The following SLC24A2 variants were observed in gnomAD, a reference collection of about 807,000 sequenced individuals.
The protein encoded by SLC24A2 is solute carrier family 24 member 2.
Under a neutral mutation model 62.0 loss-of-function variants are expected in SLC24A2, and 36 were observed. The ratio of observed to expected loss-of-function variants is 0.58; its 90% CI spans 0.44 to 0.77. The LOEUF (loss-of-function observed/expected upper bound fraction) is 0.77, where lower values mean the gene tolerates loss of function less well. Ranked by LOEUF, SLC24A2 falls within the 30% of genes least tolerant of loss-of-function variation. The pLI is 0.00. For synonymous variants in SLC24A2, 358 were observed against 294.0 expected (o/e 1.22, Z -2.23); for missense variants, 846 against 817.9 (o/e 1.03, Z -0.42).
At chr9:20,022,650 G>T in the SLC24A2 span, among the ~76,000 whole-genome samples, 60 of 152,312 alleles carry the variant, frequency 3.9e-4, 1 homozygote, top group African/African-American at 1.4e-3. Flanking sequence ...GATCTCTGCT[G>T]CTTCTCTCTC....
chr9:20,042,113 G>T, the SLC24A2 span, among the ~76,000 whole-genome samples: 1 of 152,204 alleles, frequency 6.6e-6, no homozygotes, highest in African/African-American at 2.4e-5. Flanking sequence ...TCCCTGGTGG[G>T]CAGACTGTGG....
the SLC24A2 span, among the ~76,000 whole-genome samples, chr9:20,032,269 A>T: frequency 9.9e-4 from 151 of 152,326 alleles, no homozygotes; most frequent in Non-Finnish European, 2.0e-3. Context: ...CAATGATTGC[A>T]CGTCTTTTCA....
At chr9:20,234,474 A>G in the SLC24A2 span, among the ~76,000 whole-genome samples, 2 of 151,868 alleles carry the variant, frequency 1.3e-5, no homozygotes, top group Admixed American at 1.3e-4. Context: ...CATTTCATTC[A>G]TTTCGTCTTC....
At chr9:19,844,634 G>T in the SLC24A2 span, among the ~76,000 whole-genome samples, 5 of 151,884 alleles carry the variant, frequency 3.3e-5, no homozygotes, top group African/African-American at 1.2e-4. Context: ...TTTCTTCTGG[G>T]ATTCTTATAT....
chr9:19,829,804 TATATATACAC>T, the SLC24A2 span, among the ~76,000 whole-genome samples: 6,696 of 43,054 alleles, frequency 0.16, 227 homozygotes, highest in Non-Finnish European at 0.28. Context: ...TGTGTATATA[TATATATACAC>T]ACACACACAC....
chr9:19,892,342 C>A, the SLC24A2 span, among the ~76,000 whole-genome samples: 1 of 152,184 alleles, frequency 6.6e-6, no homozygotes, highest in Non-Finnish European at 1.5e-5. Flanking sequence ...TTTATCACTA[C>A]ACAAAATTAC....
chr9:19,890,674 T>C, the SLC24A2 span, among the ~76,000 whole-genome samples: 1 of 152,142 alleles, frequency 6.6e-6, no homozygotes. Flanking sequence ...ATAGCTTTTT[T>C]AAAAATTAAT....
chr9:19,539,464 C>T (rs1294127532), intron 8 of SLC24A2, among the ~76,000 whole-genome samples: 1 of 150,952 alleles, frequency 6.6e-6, no homozygotes, highest in Non-Finnish European at 1.5e-5. Flanking sequence ...CATTATGTAC[C>T]CAGTAGTCAT....
chr9:20,066,998 A>C, the SLC24A2 span, among the ~76,000 whole-genome samples: 1 of 152,226 alleles, frequency 6.6e-6, no homozygotes, highest in African/African-American at 2.4e-5. Context: ...GAAACATATC[A>C]ATAATAAAAG....
At chr9:19,966,270 C>T in the SLC24A2 span, among the ~76,000 whole-genome samples, 2 of 152,146 alleles carry the variant, frequency 1.3e-5, no homozygotes, top group Non-Finnish European at 2.9e-5. Flanking sequence ...CTCTCTACTT[C>T]CCTTCCACTG....
At chr9:20,101,257 T>C in the SLC24A2 span, among the ~76,000 whole-genome samples, 1 of 152,246 alleles carries the variant, frequency 6.6e-6, no homozygotes, top group African/African-American at 2.4e-5. Flanking sequence ...CCAAGGCAGA[T>C]GCTGGAGGAA....
intron 2 of SLC24A2, among the ~76,000 whole-genome samples, chr9:19,713,219 T>C (rs1030196086): frequency 2.0e-5 from 3 of 152,164 alleles, no homozygotes; most frequent in Admixed American, 2.0e-4. Flanking sequence ...TAAATATTTA[T>C]TGCATGAATG....
intron 2 of SLC24A2, among the ~76,000 whole-genome samples, chr9:19,701,842 C>A (rs1029906624): frequency 6.6e-6 from 1 of 152,152 alleles, no homozygotes; most frequent in Non-Finnish European, 1.5e-5. Context: ...TAACTGAATC[C>A]TGCCATTTGA....
the SLC24A2 span, among the ~76,000 whole-genome samples, chr9:20,255,071 G>C: frequency 6.6e-6 from 1 of 152,140 alleles, no homozygotes; most frequent in Non-Finnish European, 1.5e-5. Context: ...GTGAGATTTG[G>C]GTTGGGAACA....
At chr9:19,949,221 C>T in the SLC24A2 span, among the ~76,000 whole-genome samples, 23 of 152,078 alleles carry the variant, frequency 1.5e-4, no homozygotes, top group East Asian at 4.3e-3. Context: ...CTTGAACTCC[C>T]GATCTCAGGT....
At chr9:20,019,432 A>C in the SLC24A2 span, among the ~76,000 whole-genome samples, 11 of 152,322 alleles carry the variant, frequency 7.2e-5, no homozygotes, top group East Asian at 1.9e-3. Flanking sequence ...TTTATTAAAT[A>C]GGGAATCCTT....
chr9:19,719,740 C>G (rs541517148), intron 2 of SLC24A2, among the ~76,000 whole-genome samples: 1 of 152,206 alleles, frequency 6.6e-6, no homozygotes, highest in Non-Finnish European at 1.5e-5. Flanking sequence ...AGACAAACTT[C>G]ATATAACTAC....
the SLC24A2 span, among the ~76,000 whole-genome samples, chr9:19,998,455 T>C: frequency 1.3e-5 from 2 of 152,214 alleles, no homozygotes; most frequent in African/African-American, 2.4e-5. Context: ...TCATTCATTG[T>C]AGCTCCAGCA....
chr9:20,104,963 C>A, the SLC24A2 span, among the ~76,000 whole-genome samples: 1 of 152,172 alleles, frequency 6.6e-6, no homozygotes, highest in African/African-American at 2.4e-5. Flanking sequence ...ATCTCATGTG[C>A]AGAGACACAC....
Sources: gnomAD v4.1 joint callset for allele counts (sites outside exome capture counted in the v4.1 genomes callset) on GRCh38, gnomAD v4.1.1 for gene constraint, MANE v1.5 for transcripts, NCBI Gene and HGNC (gene_info 2026-07-23, HGNC 2026-07-21) for gene names.